MEGF11: variants seen among roughly 807,000 people sequenced by gnomAD.
MEGF11 encodes multiple EGF like domains 11, also known as multiple epidermal growth factor-like domains protein 11.
Under a neutral mutation model 146.6 loss-of-function variants are expected in MEGF11, and 126 were observed. The ratio of observed to expected loss-of-function variants is 0.86; its 90% CI spans 0.74 to 1.00. MEGF11 has a LOEUF of 1.00. Among genes scored for constraint, MEGF11 ranks in the 50% least tolerant of loss-of-function variants. MEGF11 has a pLI of 0.00. For missense variants in MEGF11, 1,509 were observed against 1,521.2 expected, an observed-to-expected ratio of 0.99 and a Z score of 0.13; for synonymous variants, 532 against 583.4, an observed-to-expected ratio of 0.91 and a Z score of 1.27.
At chr15:65,953,277 G>A (rs534059683) in intron 10 of MEGF11, among the ~76,000 whole-genome samples, 1 of 152,338 alleles carries the variant, frequency 6.6e-6, no homozygotes, top group African/African-American at 2.4e-5. Context: ...AGCAGATGAG[G>A]AAGTTCCATG....
chr15:65,990,632 G>A (rs7495642), intron 5 of MEGF11, among the ~76,000 whole-genome samples: 26 of 70,208 alleles, frequency 3.7e-4, no homozygotes, highest in East Asian at 1.4e-3. Flanking sequence ...AAGAAAAAAA[G>A]AGAAAGGAAA....
intron 5 of MEGF11, among the ~76,000 whole-genome samples, chr15:66,086,222 C>G (rs1030421050): frequency 6.6e-5 from 10 of 152,108 alleles, no homozygotes; most frequent in African/African-American, 2.4e-4. Flanking sequence ...ATTCTAAAAG[C>G]CTGGAAAATA....
chr15:66,135,944 C>A (rs1335808110), intron 1 of MEGF11, among the ~76,000 whole-genome samples: 1 of 152,170 alleles, frequency 6.6e-6, no homozygotes, highest in Non-Finnish European at 1.5e-5. Context: ...CTCTTGGGCC[C>A]TTCCAACTCT....
intron 4 of MEGF11, among the ~76,000 whole-genome samples, chr15:66,097,637 C>CT (rs1338073571): frequency 7.9e-5 from 12 of 152,042 alleles, no homozygotes; most frequent in Non-Finnish European, 1.5e-5. Flanking sequence ...GCCACTCACC[C>CT]TCTCCTGGCC....
chr15:65,908,924 G>A, intron 23 of MEGF11, 110 bp downstream of exon 23: 1 of 656,198 alleles, frequency 1.5e-6, no homozygotes, highest in Admixed American at 2.5e-5. Flanking sequence ...GGGCTTAAAA[G>A]GGAGAGTTCT....
chr15:65,907,554 C>T (rs1249825955), intron 23 of MEGF11, among the ~76,000 whole-genome samples: 2 of 152,178 alleles, frequency 1.3e-5, no homozygotes, highest in Non-Finnish European at 2.9e-5. Context: ...CTCAGCCTCC[C>T]AAAGTGCTGG....
intron 24 of MEGF11, among the ~76,000 whole-genome samples, chr15:65,899,863 C>T (rs1217275663): frequency 6.6e-6 from 1 of 152,078 alleles, no homozygotes; most frequent in East Asian, 1.9e-4. Flanking sequence ...TTGTACCATC[C>T]CCGAGACTTC....
intron 4 of MEGF11, among the ~76,000 whole-genome samples, chr15:66,104,829 G>A (rs931571922): frequency 1.3e-5 from 2 of 152,090 alleles, no homozygotes; most frequent in East Asian, 1.9e-4. Flanking sequence ...CAAGCCTGAA[G>A]CGGGTGGCTC....
chr15:66,223,213 C>A (rs927136686), intron 1 of MEGF11, among the ~76,000 whole-genome samples: 4 of 151,986 alleles, frequency 2.6e-5, no homozygotes, highest in African/African-American at 9.7e-5. Context: ...ACCTTGAAAA[C>A]ATGCTAAGTG....
At chr15:66,050,560 C>T (rs1326573052) in intron 5 of MEGF11, among the ~76,000 whole-genome samples, 2 of 152,144 alleles carry the variant, frequency 1.3e-5, no homozygotes, top group African/African-American at 4.8e-5. Flanking sequence ...TCACACGGGG[C>T]CTTAGACACC....
At chr15:66,229,619 C>T (rs2091923928) in intron 1 of MEGF11, among the ~76,000 whole-genome samples, 1 of 152,186 alleles carries the variant, frequency 6.6e-6, no homozygotes, top group Non-Finnish European at 1.5e-5. Context: ...AGTAGGATGA[C>T]AGCTTTGGTG....
At chr15:65,933,141 T>C (rs1371622631) in intron 10 of MEGF11, among the ~76,000 whole-genome samples, 1 of 152,084 alleles carries the variant, frequency 6.6e-6, no homozygotes, top group African/African-American at 2.4e-5. Flanking sequence ...GAGTGTGGAG[T>C]CCTTCCCCGA....
intron 23 of MEGF11, among the ~76,000 whole-genome samples, chr15:65,907,303 CT>C (rs141964256): frequency 0.13 from 19,846 of 150,980 alleles, 1,580 homozygotes; most frequent in Non-Finnish European, 0.18. Context: ...TTCTTTTTTT[CT>C]TTTTTTTTGA....
chr15:66,073,212 T>A (rs1324097902), intron 5 of MEGF11, among the ~76,000 whole-genome samples: 1 of 152,096 alleles, frequency 6.6e-6, no homozygotes, highest in Non-Finnish European at 1.5e-5. Flanking sequence ...AGGCCTCTGG[T>A]GTGAGGAATT....
chr15:66,207,254 A>G (rs1402143734), intron 1 of MEGF11, among the ~76,000 whole-genome samples: 5 of 152,246 alleles, frequency 3.3e-5, no homozygotes, highest in Non-Finnish European at 5.9e-5. Flanking sequence ...TAGACACATC[A>G]TAATCAAACT....
rs775284942 is a variant in MEGF11 at position 65,929,763 on chromosome 15, C to T, written c.1529G>A (p.Cys510Tyr). 3.9e-6 allele frequency: 6 copies of T among 1,553,588 alleles called. No individual in the cohort carries two copies. In the African/African-American group the frequency reaches 8.2e-5, roughly 21 times the overall value. Residue 510 changes from cysteine (C) to tyrosine (Y), a missense_variant, in exon 12 of 26, where the codon TGC becomes TAC. Cys to Tyr is a radical substitution (Grantham distance 194, BLOSUM62 -2). Coordinates refer to ENST00000395614, the MANE Select transcript of MEGF11 (RefSeq NM_001385028.1). ...ACSPIDGSCSCTPGWLGDTCE... is the reference protein window; with the variant it reads ...ACSPIDGSCSYTPGWLGDTCE... ...GGTGTCTCCCAGCCAGCCAGGAGTG[C>T]AGGAGCAGGAGCCGTCTATGGGGCT... is the stretch of plus-strand genomic sequence containing the variant.
intron 1 of MEGF11, among the ~76,000 whole-genome samples, chr15:66,204,490 C>G (rs972911758): frequency 6.6e-6 from 1 of 152,144 alleles, no homozygotes; most frequent in Non-Finnish European, 1.5e-5. Context: ...AGTAGCAAAC[C>G]TAGATTTTAG....
chr15:66,073,009 G>C (rs2140482386), intron 5 of MEGF11, among the ~76,000 whole-genome samples: 1 of 152,366 alleles, frequency 6.6e-6, no homozygotes. Context: ...CTCAAGGTCA[G>C]AAGAAGTTAT....
intron 5 of MEGF11, among the ~76,000 whole-genome samples, chr15:66,089,588 T>A (rs1567235266): frequency 6.6e-6 from 1 of 152,166 alleles, no homozygotes. Flanking sequence ...AATTAAATCA[T>A]ACAATGAAAG....
Sources: gnomAD v4.1 joint callset for allele counts (sites outside exome capture counted in the v4.1 genomes callset) on GRCh38, gnomAD v4.1.1 for gene constraint, MANE v1.5 for transcripts, NCBI Gene and HGNC (gene_info 2026-07-23, HGNC 2026-07-21) for gene names.